The following CIMIP2A variants were observed in gnomAD, a reference collection of about 807,000 sequenced individuals.
CIMIP2A encodes the protein family with sequence similarity 166 member A.
chr9:137,245,201 C>T, the CIMIP2A span: 29 of 1,580,458 alleles, frequency 1.8e-5, no homozygotes, highest in Non-Finnish European at 2.5e-5. Context: ...GGTACTCATC[C>T]CTCTGGCAGT....
At chr9:137,252,881 C>T in the CIMIP2A span, 8 of 1,592,674 alleles carry the variant, frequency 5.0e-6, no homozygotes, top group South Asian at 1.1e-5. Context: ...CTACAATATC[C>T]TTCCTGGGAG....
At chr9:137,247,998 G>A in the CIMIP2A span, among the ~76,000 whole-genome samples, 2 of 152,162 alleles carry the variant, frequency 1.3e-5, no homozygotes, top group African/African-American at 2.4e-5. Flanking sequence ...TCCAGAAAGG[G>A]CCTGGGCTCT....
chr9:137,244,090 G>A, the CIMIP2A span: 14 of 1,381,838 alleles, frequency 1.0e-5, 1 homozygote, highest in South Asian at 1.7e-4. Context: ...TCCTGAACCA[G>A]CAATGAAGGG....
the CIMIP2A span, chr9:137,252,216 C>G: frequency 6.5e-7 from 1 of 1,530,382 alleles, no homozygotes; most frequent in Non-Finnish European, 8.8e-7. Context: ...TGTGCTGAAA[C>G]CCCCACGGCC....
the CIMIP2A span, chr9:137,253,616 G>C: frequency 1.2e-6 from 1 of 814,880 alleles, no homozygotes. Flanking sequence ...CTCTTCTCTA[G>C]GGTGGCAGCC....
the CIMIP2A span, chr9:137,253,409 G>A: frequency 2.0e-6 from 3 of 1,469,478 alleles, no homozygotes; most frequent in Non-Finnish European, 2.7e-6. Flanking sequence ...TATGGGCTGT[G>A]GACAAGGCTG....
chr9:137,247,681 G>A, the CIMIP2A span: 77 of 1,613,272 alleles, frequency 4.8e-5, no homozygotes, highest in Middle Eastern at 1.6e-4. Context: ...GTGAGGCTCC[G>A]GCGTGAAGAG....
the CIMIP2A span, chr9:137,253,227 C>A: frequency 1.2e-6 from 2 of 1,608,304 alleles, no homozygotes; most frequent in Non-Finnish European, 1.7e-6. Context: ...ACGACACAGG[C>A]CCCTTCTGCA....
At chr9:137,243,889 T>C in the CIMIP2A span, 1 of 1,303,514 alleles carries the variant, frequency 7.7e-7, no homozygotes, top group Non-Finnish European at 1.1e-6. Context: ...CCCTGGGCCC[T>C]GGGTATCTGC....
the CIMIP2A span, chr9:137,244,087 C>T: frequency 2.2e-6 from 3 of 1,369,374 alleles, no homozygotes; most frequent in Admixed American, 1.7e-5. Context: ...TGGTCCTGAA[C>T]CAGCAATGAA....
chr9:137,244,472 GGA>G, the CIMIP2A span: 189 of 1,497,756 alleles, frequency 1.3e-4, 1 homozygote, highest in Admixed American at 2.7e-3. Context: ...GCAAGACTCA[GGA>G]GAGAGGGGTT....
At chr9:137,244,312 C>G in the CIMIP2A span, 1 of 1,612,962 alleles carries the variant, frequency 6.2e-7, no homozygotes, top group Non-Finnish European at 8.5e-7. Context: ...AAGGTGCTAA[C>G]AAGCTCCCTC....
chr9:137,253,587 G>C, the CIMIP2A span: 2 of 1,133,514 alleles, frequency 1.8e-6, no homozygotes, highest in South Asian at 2.0e-5. Flanking sequence ...TCTCCATTCA[G>C]CTGCCCCTGA....
At chr9:137,244,686 G>C in the CIMIP2A span, 3 of 1,613,760 alleles carry the variant, frequency 1.9e-6, no homozygotes, top group Non-Finnish European at 2.5e-6. Flanking sequence ...ACGCCGTCTC[G>C]GTAATTCAAC....
chr9:137,244,583 A>C, the CIMIP2A span: 1 of 1,596,238 alleles, frequency 6.3e-7, no homozygotes, highest in Non-Finnish European at 8.6e-7. Flanking sequence ...GGAAGCTGCC[A>C]GGCAGGAGAG....
At chr9:137,251,473 G>A in the CIMIP2A span, 5 of 1,210,126 alleles carry the variant, frequency 4.1e-6, no homozygotes, top group African/African-American at 1.5e-5. Flanking sequence ...TGGGGGGCAG[G>A]TTGCTGGGCA....
chr9:137,251,343 A>C, the CIMIP2A span: 1 of 1,613,712 alleles, frequency 6.2e-7, no homozygotes, highest in Non-Finnish European at 8.5e-7. Flanking sequence ...ACATCAATGG[A>C]GGCAAACACT....
chr9:137,244,057 C>A, the CIMIP2A span: 2 of 1,153,968 alleles, frequency 1.7e-6, no homozygotes, highest in Non-Finnish European at 2.5e-6. Context: ...AAGGTGGGAC[C>A]CTGGTAATGG....
the CIMIP2A span, chr9:137,252,104 C>T: frequency 1.9e-6 from 3 of 1,612,308 alleles, no homozygotes; most frequent in Admixed American, 1.7e-5. Context: ...CACACCCCCA[C>T]TACAGCATCG....
Sources: gnomAD v4.1 joint callset for allele counts (sites outside exome capture counted in the v4.1 genomes callset) on GRCh38, gnomAD v4.1.1 for gene constraint, MANE v1.5 for transcripts, NCBI Gene and HGNC (gene_info 2026-07-23, HGNC 2026-07-21) for gene names.